Variants in TRIM62 observed in about 807,000 individuals in gnomAD.
TRIM62 encodes E3 ubiquitin-protein ligase TRIM62.
In TRIM62, 39 loss-of-function variants were observed where a neutral mutation model predicts 44.2. The ratio of observed to expected loss-of-function variants is 0.88; its 90% CI spans 0.68 to 1.15. The LOEUF is 1.15. TRIM62 is among the 50% of genes most tolerant of loss of function. The probability of loss-of-function intolerance (pLI) is 0.00; values close to 1 mark genes in which losing one functional copy is unlikely to be tolerated. For missense variants in TRIM62, 544 were observed against 665.5 expected (o/e 0.82, Z 2.01); for synonymous variants, 278 against 292.3 (o/e 0.95, Z 0.50).
At chr1:33,160,579 A>G (rs1251132456) in intron 2 of TRIM62, among the ~76,000 whole-genome samples, 2 of 151,720 alleles carry the variant, frequency 1.3e-5, no homozygotes, top group South Asian at 4.2e-4. Flanking sequence ...TAATTTTTGT[A>G]TTTTTAGTAG....
rs544091315 is a variant in TRIM62, at chr1:33,177,122, C to T, written c.408+3903G>A. Among the ~76,000 whole-genome samples the T allele has an allele frequency of 4.0e-5, 6 of 151,584 alleles. No individual in the cohort carries two copies. Among genetic ancestry groups the T allele is most frequent in the East Asian group, 2.0e-4 (1 of 5,006 alleles). ...ACACATGCACACACACATGCATGTACGCATGCACACACACGCACATGCACA... is the reference window on the plus strand; with the variant it reads ...ACACATGCACACACACATGCATGTATGCATGCACACACACGCACATGCACA... On this transcript the variant is annotated intron_variant, in intron 1 of 4. Transcript: ENST00000291416. This position sits in a 1 kb window ranked among gnomAD's most constrained non-coding sequence, Gnocchi z 4.1.
intron 1 of TRIM62, among the ~76,000 whole-genome samples, chr1:33,174,728 C>T (rs536428754): frequency 6.6e-6 from 1 of 152,090 alleles, no homozygotes; most frequent in African/African-American, 2.4e-5. Flanking sequence ...CTCAGCGTAT[C>T]TTTTAGGATT....
At chr1:33,154,423 T>C (rs999218360) in intron 4 of TRIM62, among the ~76,000 whole-genome samples, 2 of 152,194 alleles carry the variant, frequency 1.3e-5, no homozygotes, top group Non-Finnish European at 2.9e-5. Flanking sequence ...ATCTGGGGCC[T>C]GCCAGCTTCT....
At chr1:33,168,938 C>T (rs974840683) in intron 1 of TRIM62, among the ~76,000 whole-genome samples, 1 of 152,172 alleles carries the variant, frequency 6.6e-6, no homozygotes, top group Non-Finnish European at 1.5e-5. Flanking sequence ...TTGCTCAGGG[C>T]ACTTGAGAAA....
intron 4 of TRIM62, among the ~76,000 whole-genome samples, chr1:33,155,160 C>T (rs1047004539): frequency 1.3e-4 from 19 of 150,396 alleles, no homozygotes; most frequent in Admixed American, 3.3e-4. Flanking sequence ...CAGCCTTCAC[C>T]GCCTGGGTTC....
intron 4 of TRIM62, among the ~76,000 whole-genome samples, chr1:33,152,580 A>T (rs1274498552): frequency 6.6e-6 from 1 of 152,068 alleles, no homozygotes; most frequent in Non-Finnish European, 1.5e-5. Flanking sequence ...AAAGAAAAAA[A>T]AAAAAAAAAA....
chr1:33,166,816 G>C lies in TRIM62; in HGVS notation c.409-1250C>G, dbSNP rs929436817. Among the ~76,000 whole-genome samples, 11 of 152,160 alleles carry C rather than the reference G, an allele frequency of 7.2e-5. 1 individual carries two copies. Among genetic ancestry groups the C allele is most frequent in the Admixed American group, 6.5e-5 (1 of 15,280 alleles). On this transcript the variant is annotated intron_variant, in intron 1 of 4. Coordinates refer to ENST00000291416, the MANE Select transcript of TRIM62 (RefSeq NM_018207.3). ...CCTCACTGATTTTTCCTTTGTCTCA[G>C]GTTCCAGTGTGGCTCAGCAGAGCAT... is the stretch of plus-strand genomic sequence containing the variant.
In TRIM62 at chr1:33,176,398, C is replaced by A. The variant is rs189030652; in HGVS notation, c.408+4627G>T. On this transcript the variant is annotated intron_variant, in intron 1 of 4. Coordinates refer to ENST00000291416, the MANE Select transcript of TRIM62 (RefSeq NM_018207.3). The stretch of plus-strand genomic sequence containing the variant: ...GCCTTGGTGTCACTGGATCACCATA[C>A]CCTGCCTACCAGGGCTTGCGTCCAA... 6.0e-4 allele frequency: 417 copies of A among 695,626 alleles called. 1 individual carries two copies. In the Admixed American group the frequency reaches 8.1e-3, roughly 14 times the overall value. The allele number at this position is 695,626 out of a possible 1,614,324, so 43.1% of individuals were successfully genotyped here.
rs1284341952 is a variant in TRIM62 at position 33,146,870 on chromosome 1, A to G, written c.*307T>C. The G allele has an allele frequency of 3.9e-5, 15 of 388,754 alleles. No homozygotes were observed. The Admixed American group carries it at 5.8e-4, about 15-fold the overall frequency. The allele number at this position is 388,754 out of a possible 1,614,324, so 24.1% of individuals were successfully genotyped here. A position where few individuals can be genotyped will look rare whatever the true frequency, so the allele number is the denominator to read the frequency against. ...GGGCTGGAGGGAGACACTGGAAGGT[A>G]GTCCCCTGCCCCTGAGAAGATGGGG... On this transcript the variant is annotated 3_prime_UTR_variant, in exon 5 of 5. Transcript: ENST00000291416.
At chr1:33,169,876 C>A (rs934065323) in intron 1 of TRIM62, among the ~76,000 whole-genome samples, 2 of 152,186 alleles carry the variant, frequency 1.3e-5, no homozygotes, top group African/African-American at 4.8e-5. Context: ...CACTGAGCAG[C>A]TCGCAGGGCT....
chr1:33,161,632 G>A lies in TRIM62; in HGVS notation c.505-1688C>T, dbSNP rs960635947. The stretch of plus-strand genomic sequence containing the variant: ...TCTGGGGATGCACGGCCAGGCTGCC[G>A]TGGCCTTCCTGAGCCCCCTCACCCG... On this transcript the variant is annotated intron_variant, in intron 2 of 4. Transcript: ENST00000291416. The surrounding 1 kb of genome is among the most constrained non-coding windows in gnomAD (Gnocchi z 4.3). 4.6e-5 allele frequency among the ~76,000 whole-genome samples: 7 copies of A among 152,126 alleles called. No individual in the cohort carries two copies. The highest frequency in any genetic ancestry group is 6.5e-5 in the Admixed American group (1 of 15,284).
At chr1:33,180,136 A>C (rs150359590) in intron 1 of TRIM62, among the ~76,000 whole-genome samples, 1 of 152,156 alleles carries the variant, frequency 6.6e-6, no homozygotes, top group South Asian at 2.1e-4. Context: ...TTCTATGCCA[A>C]CTATGCTCAG....
At position 33,147,328 on chromosome 1, in the gene TRIM62, A is replaced by T; in HGVS notation, c.1277T>A (p.Leu426Ter). 1 of 1,614,214 alleles carries T rather than the reference A, an allele frequency of 6.2e-7. No individual in the cohort carries two copies. The highest frequency in any genetic ancestry group is 8.5e-7 in the Non-Finnish European group (1 of 1,180,036). The change falls in exon 5 of 5, where the codon TTG (leucine) becomes TAG (stop). Residue 426 changes from leucine to a stop codon, truncating the protein, a stop_gained. Coordinates refer to ENST00000291416, the MANE Select transcript of TRIM62 (RefSeq NM_018207.3). LOFTEE classifies it high-confidence loss of function. This position sits in a 1 kb window ranked among gnomAD's most constrained non-coding sequence, Gnocchi z 8.1. ...VGVFLDYDQG[L>*]LIFYNADDMS... ...GTCATCAGCATTGTAGAAGATGAGC[A>T]AGCCTTGGTCATAGTCCAGGAAGAC...
In TRIM62 at chr1:33,175,330, C is replaced by G. The variant is rs147077852; in HGVS notation, c.408+5695G>C. ...GTGCTGGGATTACAGGCGTGGGCCACTGCGCCCAGCCCAGAAATTATTAAA... is the reference window on the plus strand; with the variant it reads ...GTGCTGGGATTACAGGCGTGGGCCAGTGCGCCCAGCCCAGAAATTATTAAA... On this transcript the variant is annotated intron_variant, in intron 1 of 4. Transcript: ENST00000291416. Among the ~76,000 whole-genome samples the G allele has an allele frequency of 7.0e-4, 106 of 152,210 alleles. 1 individual carries two copies. Among genetic ancestry groups the G allele is most frequent in the Admixed American group, 1.9e-3 (29 of 15,284 alleles).
intron 1 of TRIM62, among the ~76,000 whole-genome samples, chr1:33,180,097 C>T (rs1422518066): frequency 6.6e-6 from 1 of 152,036 alleles, no homozygotes; most frequent in Admixed American, 6.6e-5. Flanking sequence ...TCAGTGAAGA[C>T]AGGAAGTCTT....
chr1:33,149,161 T>G (rs995682398), intron 4 of TRIM62, among the ~76,000 whole-genome samples: 19 of 152,270 alleles, frequency 1.2e-4, no homozygotes, highest in African/African-American at 3.9e-4. Flanking sequence ...TTTTTCTTAT[T>G]TATTTATTGG....
At chr1:33,172,180 CTCAA>C (rs1476008317) in intron 1 of TRIM62, among the ~76,000 whole-genome samples, 1 of 152,206 alleles carries the variant, frequency 6.6e-6, no homozygotes, top group African/African-American at 2.4e-5. Flanking sequence ...ACAGGGTGAG[CTCAA>C]TCAATCTTAG....
chr1:33,159,966 G>T lies in TRIM62; in HGVS notation c.505-22C>A. The T allele has an allele frequency of 6.3e-7, 1 of 1,591,972 alleles. No homozygotes were observed. The highest frequency in any genetic ancestry group is 2.2e-5 in the East Asian group (1 of 44,600). On this transcript the variant is annotated intron_variant, in intron 2 of 4. Coordinates refer to ENST00000291416, the MANE Select transcript of TRIM62 (RefSeq NM_018207.3). The surrounding 1 kb of genome is among the most constrained non-coding windows in gnomAD (Gnocchi z 4.2). ...AAGACTGTGGGGGACAGTCGTCAGG[G>T]GTTATGGCTGGGGGAGCAGATGGGG... is the stretch of plus-strand genomic sequence containing the variant.
chr1:33,153,550 G>A (rs1645132542), intron 4 of TRIM62, among the ~76,000 whole-genome samples: 2 of 152,216 alleles, frequency 1.3e-5, no homozygotes, highest in Non-Finnish European at 2.9e-5. Flanking sequence ...ACAGAGCGGG[G>A]CCCTGCAACA....
Sources: gnomAD v4.1 joint callset for allele counts (sites outside exome capture counted in the v4.1 genomes callset) on GRCh38, gnomAD v4.1.1 for gene constraint, Gnocchi (gnomAD v3.1) non-coding constraint, MANE v1.5 for transcripts, NCBI Gene and HGNC (gene_info 2026-07-23, HGNC 2026-07-21) for gene names.